Variants in DNAH17 observed in about 807,000 individuals in gnomAD.
DNAH17 encodes the protein dynein axonemal heavy chain 17.
A neutral mutation model predicts 485.6 loss-of-function variants in DNAH17; 376 were observed. The ratio of observed to expected loss-of-function variants is 0.77; its 90% CI spans 0.71 to 0.84. The LOEUF (loss-of-function observed/expected upper bound fraction) is 0.84, where lower values mean the gene tolerates loss of function less well. Ranked by LOEUF, DNAH17 falls within the 40% of genes least tolerant of loss-of-function variation. The pLI is 0.00. For synonymous variants in DNAH17, 3,031 were observed against 2,405.9 expected (o/e 1.26, Z -7.60); for missense variants, 6,370 against 5,839.3 (o/e 1.09, Z -2.96).
chr17:78,479,690 C>T (rs1301152662), intron 49 of DNAH17, 58 bp from the exon 50 acceptor site: 1 of 1,600,322 alleles, frequency 6.2e-7, no homozygotes, highest in Admixed American at 1.7e-5. Flanking sequence ...TGCCTGGGGC[C>T]AGGGCCACCT....
Position 78,453,483 on chromosome 17 carries a change from A to C in DNAH17, c.10407-18T>G, listed in dbSNP as rs1229000223. On this transcript the variant is annotated intron_variant, in intron 64 of 80. Coordinates refer to ENST00000389840, the MANE Select transcript of DNAH17 (RefSeq NM_173628.4). ...CCAGGTAGCTGCGGGCACAACACGGAAGCTGGTTCATGGCAGAGGGCCTCG... is the reference window on the plus strand; with the variant it reads ...CCAGGTAGCTGCGGGCACAACACGGCAGCTGGTTCATGGCAGAGGGCCTCG... 5.6e-6 allele frequency: 9 copies of C among 1,613,468 alleles called. No homozygotes were observed. The highest frequency in any genetic ancestry group is 7.6e-6 in the Non-Finnish European group (9 of 1,179,516).
intron 26 of DNAH17, among the ~76,000 whole-genome samples, chr17:78,514,499 G>A (rs1413555915): frequency 7.8e-5 from 5 of 64,472 alleles, no homozygotes; most frequent in East Asian, 5.4e-4. Context: ...ACTAGACTCC[G>A]TCTCAAAAAA....
Position 78,455,692 on chromosome 17 carries a change from C to A in DNAH17, c.10122G>T (p.Arg3374=). 1 of 1,584,668 alleles carries A rather than the reference C, an allele frequency of 6.3e-7. No homozygotes were observed. The highest frequency in any genetic ancestry group is 8.6e-7 in the Non-Finnish European group (1 of 1,166,030). The part of the protein sequence containing the change: ...SYVGYFTKKY[R]NELMEKFWIP... ...TCCAGAATTTCTCCATCAGCTCATT[C>A]CGGTATTTCTTGGTGAAGTAGCCCA... Residue 3374 remains arginine, a synonymous_variant, in exon 63 of 81, where the codon CGG becomes CGT. Coordinates refer to ENST00000389840, the MANE Select transcript of DNAH17 (RefSeq NM_173628.4).
Position 78,480,986 on chromosome 17 carries a change from G to A in DNAH17, c.7650-200C>T, listed in dbSNP as rs2014862. On this transcript the variant is annotated intron_variant, in intron 48 of 80. Coordinates refer to ENST00000389840, the MANE Select transcript of DNAH17 (RefSeq NM_173628.4). ...AATTTTTTGCATTTTTAGTTGAGAC[G>A]GGGTTTCGCCGTGTTAGCCAGGATG... 0.25 allele frequency among the ~76,000 whole-genome samples: 37,994 copies of A among 151,584 alleles called. 4,909 individuals are homozygous for A. Among genetic ancestry groups the A allele is most frequent in the African/African-American group, 0.32 (13,300 of 41,270 alleles).
intron 68 of DNAH17, 30 bp downstream of exon 68, chr17:78,450,224 G>C: frequency 1.2e-6 from 2 of 1,612,210 alleles, no homozygotes; most frequent in Non-Finnish European, 1.7e-6. Flanking sequence ...CACCTTGAGG[G>C]AGGCACCCAG....
rs60587420 is a variant in DNAH17, at chr17:78,553,283, G to GTTTT, written c.2179-482_2179-479dup. Among the ~76,000 whole-genome samples the GTTTT allele has an allele frequency of 1.6e-4, 8 of 51,030 alleles. 2 individuals are homozygous for GTTTT. Among genetic ancestry groups the GTTTT allele is most frequent in the Admixed American group, 1.1e-3 (4 of 3,740 alleles). 33.5% of individuals were successfully genotyped at this position (51,030 alleles called of 152,430 possible). ...AAATTACCCAGTCCCAGGTTTTTGT[G>GTTTT]TTTTTTTTTTTTTTTTTTTTTTTTT... On this transcript the variant is annotated intron_variant, in intron 14 of 80. Transcript: ENST00000389840.
At chr17:78,526,758 G>A (rs764262087) in intron 23 of DNAH17, 21 bp from the exon 24 acceptor site, 25 of 1,591,680 alleles carry the variant, frequency 1.6e-5, no homozygotes, top group Admixed American at 1.4e-4. Flanking sequence ...AGAGTGCAAA[G>A]TACAGAGAGT....
intron 18 of DNAH17, 148 bp downstream of exon 18, chr17:78,539,589 T>C: frequency 1.4e-6 from 1 of 729,610 alleles, no homozygotes; most frequent in Non-Finnish European, 2.0e-6. Flanking sequence ...CTTCCAGGTT[T>C]AAAACCAGGT....
chr17:78,425,470 C>G lies in DNAH17; in HGVS notation c.13017G>C (p.Met4339Ile). 1 of 1,613,936 alleles carries G rather than the reference C, an allele frequency of 6.2e-7. No individual in the cohort carries two copies. The highest frequency in any genetic ancestry group is 1.1e-5 in the South Asian group (1 of 91,080). Residue 4339 changes from methionine to isoleucine, a missense_variant, in exon 80 of 81, where the codon ATG becomes ATC. Physicochemically the swap from Met to Ile is conservative, Grantham distance 10. Transcript: ENST00000389840. ...CCAGGGGCCACTCGTTCTTCCTGGCCATGGACTGCATGATGGCCGTGAGGA... is the reference window on the plus strand; with the variant it reads ...CCAGGGGCCACTCGTTCTTCCTGGCGATGGACTGCATGATGGCCGTGAGGA... ...QSFLTAIMQSMARKNEWPLDK... is the reference protein window; with the variant it reads ...QSFLTAIMQSIARKNEWPLDK...
rs1296005561 is a variant in DNAH17 at position 78,426,918 on chromosome 17, A to C, written c.12771+8T>G. The C allele has an allele frequency of 6.3e-7, 1 of 1,597,434 alleles. No homozygotes were observed. Among genetic ancestry groups the C allele is most frequent in the Admixed American group, 1.7e-5 (1 of 57,514 alleles). On this transcript the variant is annotated splice_region_variant and intron_variant, in intron 78 of 80. Transcript: ENST00000389840. ...CACGTCCCTGGGGCCGGGCTGACCC[A>C]TGTTTACCTTCAGCCCCAGGTTCAG...
At chr17:78,540,447 A>ATGGATGGATGGATGGG in intron 17 of DNAH17, among the ~76,000 whole-genome samples, 1 of 6,292 alleles carries the variant, frequency 1.6e-4, no homozygotes, top group South Asian at 7.8e-3. Context: ...GGATGGATGG[A>ATGGATGGATGGATGGG]TGGGTGGGTG....
intron 14 of DNAH17, among the ~76,000 whole-genome samples, chr17:78,553,298 T>TG (rs1568244890): frequency 7.2e-5 from 4 of 55,858 alleles, no homozygotes; most frequent in Admixed American, 2.0e-4. Context: ...TTTTTTTTTT[T>TG]TTTTTTTTTT....
At chr17:78,489,528 G>A (rs2089755792) in intron 44 of DNAH17, 2 of 152,224 alleles carry the variant, frequency 1.3e-5, no homozygotes, top group Admixed American at 6.5e-5. Context: ...CAAATGCAAT[G>A]GGAACTCTTC....
In DNAH17 at chr17:78,450,364, T is replaced by C. The variant is rs746510117; in HGVS notation, c.10930A>G (p.Ile3644Val). The C allele has an allele frequency of 1.2e-6, 2 of 1,613,954 alleles. No individual in the cohort carries two copies. Among genetic ancestry groups the C allele is most frequent in the Admixed American group, 3.3e-5 (2 of 60,022 alleles). The change falls in exon 68 of 81, where the codon ATC becomes GTC. Residue 3644 changes from isoleucine (I) to valine (V), a missense_variant. Physicochemically the swap from Ile to Val is conservative, Grantham distance 29 (BLOSUM62 3). Transcript: ENST00000389840. ...VVEAKITEVK[I>V]NEARENYRPA... is the part of the protein sequence containing the mutation. ...CGGTAGTTCTCTCTCGCTTCGTTGA[T>C]TTTAACTTCTGTGATTTTTGCCTCC...
At position 78,537,213 on chromosome 17, in the gene DNAH17, C is replaced by A. The variant is rs946583942; in HGVS notation, c.2859+86G>T. 5 of 1,377,758 alleles carry A rather than the reference C, an allele frequency of 3.6e-6. No homozygotes were observed. In the Admixed American group the frequency reaches 1.0e-4, roughly 28 times the overall value. The allele number at this position is 1,377,758 out of a possible 1,614,324, so 85.3% of individuals were successfully genotyped here. ...AAAGAAAAAAAGAAAAGGTAAACGG[C>A]GAAGCCTTGCCGAGTTAGGGCGGCA... On this transcript the variant is annotated intron_variant, in intron 19 of 80. Transcript: ENST00000389840.
Position 78,507,481 on chromosome 17 carries a change from C to G in DNAH17, c.4561G>C (p.Asp1521His), listed in dbSNP as rs369572884. 1 of 1,612,550 alleles carries G rather than the reference C, an allele frequency of 6.2e-7. No individual in the cohort carries two copies. The highest frequency in any genetic ancestry group is 1.3e-5 in the African/African-American group (1 of 74,934). The change falls in exon 28 of 81, where the codon GAC becomes CAC. Residue 1521 changes from aspartate (D) to histidine (H), a missense_variant. Coordinates refer to ENST00000389840, the MANE Select transcript of DNAH17 (RefSeq NM_173628.4). ...TQLPGDSQRF[D>H]DINQEFKALM... ...ACCTTGAATTCCTGGTTGATGTCGT[C>G]AAAGCGCTGGGAGTCCCCCGGGAGC...
Position 78,424,084 on chromosome 17 carries a change from G to C in DNAH17, c.13211C>G (p.Pro4404Arg). The change falls in exon 81 of 81, where the codon CCT becomes CGT. Residue 4404 changes from proline to arginine, a missense_variant. Transcript: ENST00000389840. ...ARLKELTPAM[P>R]VIFIKAIPVD... ...AGGAATGGCCTTGATGAAGATGACA[G>C]GCATGGCCGGGGTCAGCTCTTTCAG... 1 of 1,614,018 alleles carries C rather than the reference G, an allele frequency of 6.2e-7. No individual in the cohort carries two copies. The highest frequency in any genetic ancestry group is 8.5e-7 in the Non-Finnish European group (1 of 1,179,900).
At chr17:78,495,194 GC>G in intron 38 of DNAH17, 97 bp from the exon 39 acceptor site, 1 of 1,414,716 alleles carries the variant, frequency 7.1e-7, no homozygotes, top group Non-Finnish European at 9.4e-7. Flanking sequence ...CACCTCGACT[GC>G]CAGGTAGACC....
intron 75 of DNAH17, among the ~76,000 whole-genome samples, chr17:78,432,957 C>T (rs2086733906): frequency 7.2e-6 from 1 of 139,216 alleles, no homozygotes; most frequent in East Asian, 2.3e-4. Context: ...CACATCCAGG[C>T]CCTGGGAGTC....
Sources: gnomAD v4.1 joint callset for allele counts (sites outside exome capture counted in the v4.1 genomes callset) on GRCh38, gnomAD v4.1.1 for gene constraint, MANE v1.5 for transcripts, NCBI Gene and HGNC (gene_info 2026-07-23, HGNC 2026-07-21) for gene names.